OTC: variants seen among roughly 807,000 people sequenced by gnomAD.
OTC encodes the protein ornithine transcarbamylase, mitochondrial.
In OTC, 3 loss-of-function variants were observed where a neutral mutation model predicts 30.3. The ratio of observed to expected loss-of-function variants is 0.10; its 90% confidence interval spans 0.05 to 0.26. OTC has a LOEUF of 0.26. Ranked by LOEUF, OTC falls within the 10% of genes least tolerant of loss-of-function variation. The pLI is 1.00. For missense variants in OTC, 194 were observed against 260.3 expected, an observed-to-expected ratio of 0.75 and a Z score of 1.75; for synonymous variants, 111 against 99.7, an observed-to-expected ratio of 1.11 and a Z score of -0.67.
chrX:38,358,620 ATT>A (rs1194488054), intron 1 of OTC, among the ~76,000 whole-genome samples: 8 of 88,307 alleles, frequency 9.1e-5, no homozygotes, highest in Admixed American at 3.9e-4. Context: ...CTGTGGTGGA[ATT>A]TTTTTTTTTT....
the OTC span, among the ~76,000 whole-genome samples, chrX:38,337,311 A>AT: frequency 8.9e-6 from 1 of 112,405 alleles, no homozygotes; most frequent in African/African-American, 3.2e-5. Context: ...GCAATGTAAC[A>AT]TTTTTTAACA....
upstream of OTC, among the ~76,000 whole-genome samples, chrX:38,349,847 T>C (rs2068205832): frequency 9.0e-6 from 1 of 111,571 alleles, no homozygotes; most frequent in African/African-American, 3.3e-5. Context: ...ATACTCGTAG[T>C]TTTTTGTTTT....
the OTC span, among the ~76,000 whole-genome samples, chrX:38,332,560 C>T: frequency 0.021 from 1,444 of 69,485 alleles, 34 homozygotes; most frequent in African/African-American, 0.073. Flanking sequence ...ATAGTCTATT[C>T]CAGAAGGTGG....
chrX:38,343,907 G>A, the OTC span, among the ~76,000 whole-genome samples: 5 of 112,021 alleles, frequency 4.5e-5, no homozygotes, highest in Non-Finnish European at 9.4e-5. Flanking sequence ...GGGGGTCAGA[G>A]ATAATCCTCA....
chrX:38,390,659 T>C (rs2068424671), intron 4 of OTC, among the ~76,000 whole-genome samples: 2 of 111,947 alleles, frequency 1.8e-5, no homozygotes, highest in Non-Finnish European at 3.8e-5. Context: ...ACAACCTCTG[T>C]TTGCCTTTGG....
chrX:38,385,259 G>A (rs778792794), intron 4 of OTC, among the ~76,000 whole-genome samples: 1 of 112,023 alleles, frequency 8.9e-6, no homozygotes, highest in Non-Finnish European at 1.9e-5. Context: ...GACAGAGCGG[G>A]ACTCTGTCTC....
At chrX:38,338,104 G>C in the OTC span, among the ~76,000 whole-genome samples, 1 of 111,880 alleles carries the variant, frequency 8.9e-6, no homozygotes, top group Non-Finnish European at 1.9e-5. Context: ...CTCAGATAAT[G>C]CCACAATATC....
intron 1 of OTC, among the ~76,000 whole-genome samples, chrX:38,354,663 C>G (rs1002498413): frequency 6.3e-5 from 7 of 111,119 alleles, no homozygotes; most frequent in Middle Eastern, 4.7e-3. Context: ...GCTAAATCGG[C>G]CCAAATCCAA....
At chrX:38,338,333 TG>T in the OTC span, among the ~76,000 whole-genome samples, 1 of 112,327 alleles carries the variant, frequency 8.9e-6, no homozygotes, top group Non-Finnish European at 1.9e-5. Flanking sequence ...ATACTCTCAA[TG>T]GGCATTCCAG....
At chrX:38,342,213 G>A in the OTC span, among the ~76,000 whole-genome samples, 3 of 107,562 alleles carry the variant, frequency 2.8e-5, no homozygotes, top group African/African-American at 6.8e-5. Flanking sequence ...AGTAGAGCCG[G>A]GGTTTCACCA....
In OTC at chrX:38,409,082, A is replaced by G. The variant is rs1040550208; in HGVS notation, c.867+57A>G. 26 of 1,117,645 alleles carry G rather than the reference A, an allele frequency of 2.3e-5. No homozygotes were observed. In the Admixed American group the frequency reaches 5.4e-4, roughly 23 times the overall value. 92.1% of individuals were successfully genotyped at this position (1,117,645 alleles called of 1,213,427 possible). A position where few individuals can be genotyped will look rare whatever the true frequency, so the allele number is the denominator to read the frequency against. On this transcript the variant is annotated intron_variant, in intron 8 of 9. Transcript: ENST00000039007. ...AATTCCATTCATGAAGGCCAGAACC[A>G]TCTAATCACTTATTCACTTTAGGGG...
intron 5 of OTC, among the ~76,000 whole-genome samples, chrX:38,401,869 T>A (rs1202296513): frequency 1.8e-5 from 2 of 112,091 alleles, no homozygotes; most frequent in African/African-American, 6.5e-5. Flanking sequence ...GGACACTTTC[T>A]ATCATTTTAA....
chrX:38,381,334 T>TA lies in OTC; in HGVS notation c.299-7dup, dbSNP rs374145788. On this transcript the variant is annotated splice_polypyrimidine_tract_variant and splice_region_variant and intron_variant, in intron 3 of 9. Coordinates refer to ENST00000039007, the MANE Select transcript of OTC (RefSeq NM_000531.6). Reference sequence around the variant, plus strand: ...CAAAATGATTTTTTTCTTTTTTTTTTATTGTAGGCTTTGCACTTCTGGGAG... The same window carrying TA: ...CAAAATGATTTTTTTCTTTTTTTTTTAATTGTAGGCTTTGCACTTCTGGGAG... 7.1e-5 allele frequency: 80 copies of TA among 1,125,005 alleles called. No homozygotes were observed. Among genetic ancestry groups the TA allele is most frequent in the South Asian group, 3.3e-4 (17 of 51,802 alleles). 92.7% of individuals were successfully genotyped at this position (1,125,005 alleles called of 1,213,427 possible).
chrX:38,417,956 A>C (rs1217610317), intron 9 of OTC, among the ~76,000 whole-genome samples: 1 of 112,304 alleles, frequency 8.9e-6, no homozygotes, highest in Non-Finnish European at 1.9e-5. Context: ...ATGGAAGTGC[A>C]GATATCCCTG....
intron 1 of OTC, among the ~76,000 whole-genome samples, chrX:38,359,100 T>C (rs2068257053): frequency 8.9e-6 from 1 of 111,960 alleles, no homozygotes; most frequent in African/African-American, 3.3e-5. Flanking sequence ...TAGTCCACTA[T>C]TACTGTACTT....
chrX:38,338,343 AG>A, the OTC span, among the ~76,000 whole-genome samples: 1 of 112,165 alleles, frequency 8.9e-6, no homozygotes, highest in Non-Finnish European at 1.9e-5. Flanking sequence ...TGGGCATTCC[AG>A]GTGACCATAG....
intron 1 of OTC, among the ~76,000 whole-genome samples, chrX:38,363,918 G>A (rs1481072379): frequency 9.0e-6 from 1 of 111,018 alleles, no homozygotes; most frequent in Non-Finnish European, 1.9e-5. Flanking sequence ...CTCAGGTCAG[G>A]AGTTCAAGAC....
chrX:38,408,250 G>C (rs1462039711), intron 6 of OTC, among the ~76,000 whole-genome samples: 2 of 111,945 alleles, frequency 1.8e-5, no homozygotes, highest in Non-Finnish European at 3.8e-5. Flanking sequence ...TAATGGGGGA[G>C]GGGGAGCTGT....
At chrX:38,371,318 G>T (rs1288569842) in intron 3 of OTC, among the ~76,000 whole-genome samples, 1 of 110,780 alleles carries the variant, frequency 9.0e-6, no homozygotes, top group Non-Finnish European at 1.9e-5. Flanking sequence ...GTTTCAAAAT[G>T]GACACTTTGA....
Sources: allele counts gnomAD v4.1 joint callset (sites outside exome capture counted in the v4.1 genomes callset), GRCh38; gene constraint gnomAD v4.1.1; transcripts MANE v1.5; gene names NCBI Gene and HGNC (gene_info 2026-07-23, HGNC 2026-07-21).